The following OR10K2 variants were observed in gnomAD, a reference collection of about 807,000 sequenced individuals.
OR10K2 encodes olfactory receptor family 10 subfamily K member 2.
For missense variants in OR10K2, 401 were observed against 367.1 expected, an observed-to-expected ratio of 1.09 and a Z score of -0.76; for synonymous variants, 169 against 146.4, an observed-to-expected ratio of 1.15 and a Z score of -1.11.
Position 158,419,937 on chromosome 1 carries a change from G to A in OR10K2, c.930C>T (p.Ser310=). Residue 310 remains serine, a synonymous_variant, in exon 2 of 2, where the codon TCC becomes TCT. Coordinates refer to ENST00000641042, the MANE Select transcript of OR10K2 (RefSeq NM_001004476.2). The stretch of plus-strand genomic sequence containing the variant: ...AGAATCAAGATTAATTTTACAACAG[G>A]GAAATTGTTCTTCTCACAATTTTAC... The part of the protein sequence containing the change: ...ALCKIVRRTI[S]LL 1.2e-6 allele frequency: 2 copies of A among 1,607,616 alleles called. No individual in the cohort carries two copies. The highest frequency in any genetic ancestry group is 1.7e-6 in the Non-Finnish European group (2 of 1,176,144).
chr1:158,421,754 T>C (rs1168370238), intron 1 of OR10K2, among the ~76,000 whole-genome samples: 1 of 152,160 alleles, frequency 6.6e-6, no homozygotes, highest in Non-Finnish European at 1.5e-5. Flanking sequence ...TGCTTCACTC[T>C]TCAAAAATTT....
rs1655095265 is a variant in OR10K2, at chr1:158,419,266, G to A, written c.*662C>T. ...AAAATCCTAGAGATAGAAGCTTCCTGAGTCCCTAGAACAGAGAGTTAGGGT... is the reference window on the plus strand; with the variant it reads ...AAAATCCTAGAGATAGAAGCTTCCTAAGTCCCTAGAACAGAGAGTTAGGGT... On this transcript the variant is annotated 3_prime_UTR_variant, in exon 2 of 2. Transcript: ENST00000641042. 1 of 154,716 alleles carries A rather than the reference G, an allele frequency of 6.5e-6. No individual in the cohort carries two copies. The allele number at this position is 154,716 out of a possible 1,614,324, so 9.6% of individuals were successfully genotyped here.
chr1:158,421,860 C>T (rs1655164333), intron 1 of OR10K2, among the ~76,000 whole-genome samples: 1 of 152,054 alleles, frequency 6.6e-6, no homozygotes, highest in Admixed American at 6.6e-5. Context: ...ATTTTCAGAC[C>T]TTAATGGGAT....
intron 1 of OR10K2, among the ~76,000 whole-genome samples, chr1:158,424,563 T>C (rs1390546684): frequency 6.6e-6 from 1 of 152,058 alleles, no homozygotes; most frequent in Non-Finnish European, 1.5e-5. Context: ...TTGTTCTAGA[T>C]TTGGTGAAAA....
At chr1:158,424,831 A>G (rs765901807) in intron 1 of OR10K2, among the ~76,000 whole-genome samples, 27 of 151,812 alleles carry the variant, frequency 1.8e-4, no homozygotes, top group Non-Finnish European at 3.8e-4. Context: ...TTCTGCTACA[A>G]TTTTGTTATG....
intron 1 of OR10K2, among the ~76,000 whole-genome samples, chr1:158,425,540 G>A (rs888931566): frequency 4.6e-5 from 7 of 151,974 alleles, no homozygotes; most frequent in African/African-American, 1.7e-4. Context: ...GTTCCCAGAG[G>A]GCAGGGTTTC....
chr1:158,422,843 G>A (rs955029722), intron 1 of OR10K2, among the ~76,000 whole-genome samples: 1 of 151,896 alleles, frequency 6.6e-6, no homozygotes, highest in African/African-American at 2.4e-5. Context: ...CCATTCAGAA[G>A]ATATTATTAA....
intron 1 of OR10K2, among the ~76,000 whole-genome samples, chr1:158,421,150 T>A (rs1655149289): frequency 6.6e-6 from 1 of 152,046 alleles, no homozygotes; most frequent in South Asian, 2.1e-4. Flanking sequence ...TCCATTCCCA[T>A]CATGAGGCTG....
chr1:158,424,958 G>T (rs576031162), intron 1 of OR10K2, among the ~76,000 whole-genome samples: 5 of 152,106 alleles, frequency 3.3e-5, no homozygotes, highest in South Asian at 2.1e-4. Context: ...TAACTTTTAA[G>T]ATTTCTTTAA....
Position 158,421,071 on chromosome 1 carries a change from C to T in OR10K2, c.-61-144G>A, listed in dbSNP as rs994056691. The T allele has an allele frequency of 2.8e-5, 17 of 605,842 alleles. No homozygotes were observed. In the Admixed American group the frequency reaches 3.6e-4, roughly 13 times the overall value. The allele number at this position is 605,842 out of a possible 1,614,324, so 37.5% of individuals were successfully genotyped here. On this transcript the variant is annotated intron_variant, in intron 1 of 1. Transcript: ENST00000641042. ...GGCAAGCGTTCATCAAACTTTGAGTCTCCATAGTAGTTCTAACACCATAGC... is the reference window on the plus strand; with the variant it reads ...GGCAAGCGTTCATCAAACTTTGAGTTTCCATAGTAGTTCTAACACCATAGC...
Position 158,419,944 on chromosome 1 carries a change from G to T in OR10K2, c.923C>A (p.Thr308Lys). ...KSALCKIVRR[T>K]ISLL ...AGATTAATTTTACAACAGGGAAATT[G>T]TTCTTCTCACAATTTTACAAAGAGC... Residue 308 changes from threonine (T) to lysine (K), a missense_variant, in exon 2 of 2, where the codon ACA (threonine) becomes AAA (lysine). Thr to Lys is a moderately conservative substitution (Grantham distance 78). Transcript: ENST00000641042. 6.2e-7 allele frequency: 1 copy of T among 1,609,648 alleles called. No homozygotes were observed. Among genetic ancestry groups the T allele is most frequent in the Non-Finnish European group, 8.5e-7 (1 of 1,177,486 alleles).
At position 158,418,702 on chromosome 1, in the gene OR10K2, G is replaced by T. The variant is rs1347305582; in HGVS notation, c.*1226C>A. 1 of 152,084 alleles carries T rather than the reference G, an allele frequency of 6.6e-6. No homozygotes were observed. Among genetic ancestry groups the T allele is most frequent in the Non-Finnish European group, 1.5e-5 (1 of 67,992 alleles). The allele number at this position is 152,084 out of a possible 1,614,324, so 9.4% of individuals were successfully genotyped here. A position where few individuals can be genotyped will look rare whatever the true frequency, so the allele number is the denominator to read the frequency against. On this transcript the variant is annotated 3_prime_UTR_variant, in exon 2 of 2. Coordinates refer to ENST00000641042, the MANE Select transcript of OR10K2 (RefSeq NM_001004476.2). ...ACTTAGAAACAAAATTAATCAATCA[G>T]GAGACTTTTATTGACAGGTGGATCT...
Position 158,420,222 on chromosome 1 carries a change from C to G in OR10K2, c.645G>C (p.Leu215Phe), listed in dbSNP as rs778525580. Residue 215 changes from leucine to phenylalanine, a missense_variant, in exon 2 of 2, where the codon TTG (leucine) becomes TTC (phenylalanine). Transcript: ENST00000641042. ...LVLAIPLLLI[L>F]VSYVHILSAI... ...CAGAGAGGATGTGAACATAGGACAC[C>G]AAGATCAACAATAAGGGGATAGCCA... 17 of 1,613,466 alleles carry G rather than the reference C, an allele frequency of 1.1e-5. No homozygotes were observed. Among genetic ancestry groups the G allele is most frequent in the Non-Finnish European group, 1.4e-5 (17 of 1,179,844 alleles).
intron 1 of OR10K2, among the ~76,000 whole-genome samples, chr1:158,423,951 T>C (rs1571264220): frequency 6.6e-6 from 1 of 152,168 alleles, no homozygotes; most frequent in Admixed American, 6.6e-5. Flanking sequence ...GATATAATTA[T>C]GAATAAAATC....
Position 158,420,430 on chromosome 1 carries a change from G to A in OR10K2, c.437C>T (p.Ala146Val), listed in dbSNP as rs1031316708. Residue 146 changes from alanine (A) to valine (V), a missense_variant, in exon 2 of 2, where the codon GCT becomes GTT. Physicochemically the swap from Ala to Val is moderately conservative, Grantham distance 64 (BLOSUM62 0). Transcript: ENST00000641042. ...MGHGVCMGLV[A>V]AACACGFTVA... Reference sequence around the variant, plus strand: ...AGTGAAGCCACAGGCACAGGCAGCAGCCACTAGTCCCATACACACCCCATG... The same window carrying A: ...AGTGAAGCCACAGGCACAGGCAGCAACCACTAGTCCCATACACACCCCATG... The A allele has an allele frequency of 2.5e-6, 4 of 1,613,908 alleles. No homozygotes were observed. The highest frequency in any genetic ancestry group is 3.4e-6 in the Non-Finnish European group (4 of 1,179,920).
At chr1:158,421,132 C>G (rs1264768846) in intron 1 of OR10K2, among the ~76,000 whole-genome samples, 3 of 152,030 alleles carry the variant, frequency 2.0e-5, no homozygotes, top group Non-Finnish European at 2.9e-5. Context: ...TTCAAACAAC[C>G]CTTCACCTCC....
At chr1:158,421,955 A>G (rs1655165547) in intron 1 of OR10K2, among the ~76,000 whole-genome samples, 1 of 152,038 alleles carries the variant, frequency 6.6e-6, no homozygotes, top group African/African-American at 2.4e-5. Context: ...TTATTTACAG[A>G]TATTTTATGG....
intron 1 of OR10K2, among the ~76,000 whole-genome samples, chr1:158,422,964 G>A (rs1655187035): frequency 6.6e-6 from 1 of 151,808 alleles, no homozygotes; most frequent in Admixed American, 6.6e-5. Flanking sequence ...TTATTTCTAG[G>A]TTTCTTTATA....
intron 1 of OR10K2, among the ~76,000 whole-genome samples, chr1:158,424,218 G>C (rs1655210439): frequency 6.6e-6 from 1 of 151,824 alleles, no homozygotes; most frequent in Non-Finnish European, 1.5e-5. Flanking sequence ...AATGTTGACT[G>C]GCCTTTCAGA....
Sources: gnomAD v4.1 joint callset for allele counts (sites outside exome capture counted in the v4.1 genomes callset) on GRCh38, gnomAD v4.1.1 for gene constraint, MANE v1.5 for transcripts, NCBI Gene and HGNC (gene_info 2026-07-23, HGNC 2026-07-21) for gene names.